The following PTPRG variants were observed in gnomAD, a reference collection of about 807,000 sequenced individuals.
PTPRG encodes protein tyrosine phosphatase receptor type G.
PTPRG carries 102 observed loss-of-function variants against 165.3 expected under a neutral mutation model. The ratio of observed to expected loss-of-function variants is 0.62; its 90% CI spans 0.53 to 0.73. The LOEUF is 0.73. Ranked by LOEUF, PTPRG falls within the 30% of genes least tolerant of loss-of-function variation. PTPRG has a pLI of 0.00. For missense variants in PTPRG, 1,866 were observed against 1,861.4 expected, an observed-to-expected ratio of 1.00 and a Z score of -0.05; for synonymous variants, 675 against 669.5, an observed-to-expected ratio of 1.01 and a Z score of -0.13.
At chr3:62,059,792 C>CTG (rs1027921675) in intron 4 of PTPRG, among the ~76,000 whole-genome samples, 2 of 152,156 alleles carry the variant, frequency 1.3e-5, no homozygotes, top group African/African-American at 4.8e-5. Flanking sequence ...TCCCATGCTG[C>CTG]TGTTCTCATG....
chr3:62,165,284 T>A (rs1458988958), intron 7 of PTPRG, among the ~76,000 whole-genome samples: 1 of 152,262 alleles, frequency 6.6e-6, no homozygotes, highest in Non-Finnish European at 1.5e-5. Context: ...AGGGTCTTTG[T>A]TAATACTTCT....
At chr3:61,864,814 C>G (rs1339745598) in intron 2 of PTPRG, among the ~76,000 whole-genome samples, 1 of 152,160 alleles carries the variant, frequency 6.6e-6, no homozygotes, top group African/African-American at 2.4e-5. Context: ...GGGGTTCCAT[C>G]TCCTCGTAAT....
chr3:62,149,711 A>G (rs1704256740), intron 6 of PTPRG, among the ~76,000 whole-genome samples: 1 of 152,032 alleles, frequency 6.6e-6, no homozygotes, highest in South Asian at 2.1e-4. Context: ...ACACCCACCT[A>G]AGACTCCTCC....
At chr3:62,270,182 G>C (rs1357610214) in intron 20 of PTPRG, among the ~76,000 whole-genome samples, 1 of 151,866 alleles carries the variant, frequency 6.6e-6, no homozygotes, top group African/African-American at 2.4e-5. Context: ...TTGCAGCAAT[G>C]GGATAATTTT....
intron 2 of PTPRG, among the ~76,000 whole-genome samples, chr3:61,910,252 A>G (rs1158784750): frequency 6.8e-6 from 1 of 146,668 alleles, no homozygotes; most frequent in African/African-American, 2.8e-5. Flanking sequence ...GTTTGTCCTG[A>G]TGAATTTTGC....
chr3:62,256,369 C>G (rs1265037662), intron 16 of PTPRG, among the ~76,000 whole-genome samples: 1 of 152,052 alleles, frequency 6.6e-6, no homozygotes, highest in Non-Finnish European at 1.5e-5. Flanking sequence ...TAAATTAAGT[C>G]TTTCTCTTAG....
At chr3:61,659,656 T>G (rs1364792139) in intron 1 of PTPRG, among the ~76,000 whole-genome samples, 1 of 152,192 alleles carries the variant, frequency 6.6e-6, no homozygotes, top group African/African-American at 2.4e-5. Context: ...CATTGATGAT[T>G]AATGGATAGA....
intron 2 of PTPRG, among the ~76,000 whole-genome samples, chr3:61,985,043 A>ATGT (rs1244981265): frequency 6.6e-6 from 1 of 152,182 alleles, no homozygotes; most frequent in Admixed American, 6.5e-5. Context: ...CTCACTGGGG[A>ATGT]TGTTAACCTT....
chr3:62,030,312 C>T (rs1193425969), intron 4 of PTPRG, among the ~76,000 whole-genome samples: 14 of 151,776 alleles, frequency 9.2e-5, no homozygotes, highest in African/African-American at 1.7e-4. Context: ...TGATATTTAT[C>T]GAGCTTCCTA....
intron 4 of PTPRG, among the ~76,000 whole-genome samples, chr3:62,050,972 G>T (rs921286927): frequency 1.3e-5 from 2 of 152,130 alleles, no homozygotes; most frequent in African/African-American, 4.8e-5. Flanking sequence ...GTACTCCAAG[G>T]TTCTATAGGA....
At chr3:61,851,406 A>G (rs768667394) in intron 2 of PTPRG, among the ~76,000 whole-genome samples, 4 of 152,206 alleles carry the variant, frequency 2.6e-5, no homozygotes, top group Non-Finnish European at 4.4e-5. Context: ...TATTAACACA[A>G]AAGAAAACCG....
At chr3:62,085,709 C>G (rs972629443) in intron 5 of PTPRG, among the ~76,000 whole-genome samples, 1 of 152,236 alleles carries the variant, frequency 6.6e-6, no homozygotes, top group South Asian at 2.1e-4. Context: ...GCCTCTTTCC[C>G]CCCTTTCTCC....
At chr3:61,821,122 C>CA (rs1559630839) in intron 2 of PTPRG, among the ~76,000 whole-genome samples, 4 of 152,032 alleles carry the variant, frequency 2.6e-5, no homozygotes, top group African/African-American at 9.7e-5. Flanking sequence ...CAGCACAAAA[C>CA]ATATTAATCA....
intron 1 of PTPRG, among the ~76,000 whole-genome samples, chr3:61,725,336 T>G (rs2032212569): frequency 1.3e-5 from 2 of 152,166 alleles, no homozygotes; most frequent in African/African-American, 4.8e-5. Flanking sequence ...CAGGCTGATC[T>G]GGAGCTCCTG....
chr3:61,966,705 G>A (rs9817604), intron 2 of PTPRG, among the ~76,000 whole-genome samples: 70,209 of 151,886 alleles, frequency 0.46, 17,767 homozygotes, highest in African/African-American at 0.66. Context: ...GCTACACTCT[G>A]TGGGAACAAT....
At chr3:61,676,916 C>T (rs980831496) in intron 1 of PTPRG, among the ~76,000 whole-genome samples, 1 of 152,060 alleles carries the variant, frequency 6.6e-6, no homozygotes, top group Non-Finnish European at 1.5e-5. Flanking sequence ...CTGTGAGCCT[C>T]CAGTTAGCCT....
At chr3:62,005,671 T>C (rs1257958837) in intron 4 of PTPRG, among the ~76,000 whole-genome samples, 5 of 149,114 alleles carry the variant, frequency 3.4e-5, no homozygotes, top group African/African-American at 1.2e-4. Context: ...GGGAATAACG[T>C]ATCAAAGACA....
At chr3:62,141,632 G>T (rs1425128832) in intron 6 of PTPRG, among the ~76,000 whole-genome samples, 1 of 151,914 alleles carries the variant, frequency 6.6e-6, no homozygotes, top group Non-Finnish European at 1.5e-5. Context: ...GGCCGCAGTG[G>T]CTCACGCCTG....
At position 62,003,370 on chromosome 3, in the gene PTPRG, A is replaced by C. The variant is rs370339396; in HGVS notation, c.392A>C (p.Asp131Ala). 138 of 1,613,726 alleles carry C rather than the reference A, an allele frequency of 8.6e-5. No homozygotes were observed. The highest frequency in any genetic ancestry group is 1.2e-4 in the Non-Finnish European group (136 of 1,179,872). ...GKTVAILLKDDYFVSGAGLPG... is the reference protein window; with the variant it reads ...GKTVAILLKDAYFVSGAGLPG... ...ACAGTCGCCATCCTTCTGAAAGACGACTATTTTGTCAGTGGAGCTGGTCTA... is the reference window on the plus strand; with the variant it reads ...ACAGTCGCCATCCTTCTGAAAGACGCCTATTTTGTCAGTGGAGCTGGTCTA... The change falls in exon 4 of 30, where the codon GAC (aspartate) becomes GCC (alanine). Residue 131 changes from aspartate (D) to alanine (A), a missense_variant. Coordinates refer to ENST00000474889, the MANE Select transcript of PTPRG (RefSeq NM_002841.4).
Sources: gnomAD v4.1 joint callset for allele counts (sites outside exome capture counted in the v4.1 genomes callset) on GRCh38, gnomAD v4.1.1 for gene constraint, MANE v1.5 for transcripts, NCBI Gene and HGNC (gene_info 2026-07-23, HGNC 2026-07-21) for gene names.